Variants in ABI3BP observed in about 807,000 individuals in gnomAD.
ABI3BP encodes the protein target of Nesh-SH3.
Under a neutral mutation model 268.6 loss-of-function variants are expected in ABI3BP, and 216 were observed. The ratio of observed to expected loss-of-function variants is 0.80; its 90% CI spans 0.72 to 0.90. ABI3BP has a LOEUF of 0.90. Among genes scored for constraint, ABI3BP ranks in the 40% least tolerant of loss-of-function variants. The probability of loss-of-function intolerance (pLI) is 0.00; values close to 1 mark genes in which losing one functional copy is unlikely to be tolerated. For missense variants in ABI3BP, 2,090 were observed against 2,182.4 expected (o/e 0.96, Z 0.84); for synonymous variants, 730 against 730.0 (o/e 1.00, Z 0.00).
chr3:100,773,524 A>G (rs368339612), intron 61 of ABI3BP, among the ~76,000 whole-genome samples: 13 of 152,344 alleles, frequency 8.5e-5, no homozygotes, highest in East Asian at 7.7e-4. Context: ...AAAACAGTAC[A>G]ACTACTTTGG....
intron 2 of ABI3BP, among the ~76,000 whole-genome samples, chr3:100,907,114 T>A (rs533835191): frequency 6.6e-6 from 1 of 152,324 alleles, no homozygotes; most frequent in South Asian, 2.1e-4. Context: ...CTAGTACAAG[T>A]CAAAGTACTT....
intron 63 of ABI3BP, among the ~76,000 whole-genome samples, chr3:100,757,505 C>T (rs2095685183): frequency 6.6e-6 from 1 of 152,116 alleles, no homozygotes; most frequent in Admixed American, 6.5e-5. Flanking sequence ...TTCATTATAT[C>T]CTAATATGTC....
At chr3:100,925,208 G>A (rs1184381554) in intron 2 of ABI3BP, among the ~76,000 whole-genome samples, 1 of 152,108 alleles carries the variant, frequency 6.6e-6, no homozygotes, top group Non-Finnish European at 1.5e-5. Flanking sequence ...AGAGGCTACA[G>A]GACAAAATAG....
intron 11 of ABI3BP, chr3:100,864,348 A>C (rs1326153331): frequency 4.4e-6 from 2 of 455,648 alleles, no homozygotes; most frequent in African/African-American, 3.9e-5. Flanking sequence ...GAGAACAACA[A>C]AGCAAGTTAG....
rs2153277055 is a variant in ABI3BP, at chr3:100,876,438, T to A, written c.745+74A>T. The A allele has an allele frequency of 5.4e-6, 7 of 1,284,740 alleles. No homozygotes were observed. The South Asian group carries it at 7.8e-5, about 14-fold the overall frequency. The allele number at this position is 1,284,740 out of a possible 1,614,324, so 79.6% of individuals were successfully genotyped here. On this transcript the variant is annotated intron_variant, in intron 7 of 67. Transcript: ENST00000471714. ...TCAATTAAAAAATCGAGAAAATATG[T>A]GCCGTGTTTGATTACCTTAGCTAAA...
chr3:100,770,184 G>A (rs1469037389), intron 62 of ABI3BP, among the ~76,000 whole-genome samples: 1 of 152,120 alleles, frequency 6.6e-6, no homozygotes, highest in Non-Finnish European at 1.5e-5. Context: ...TCGTTATGGA[G>A]AATCAGACTG....
chr3:100,920,191 A>C (rs1561660978), intron 2 of ABI3BP, among the ~76,000 whole-genome samples: 1 of 152,216 alleles, frequency 6.6e-6, no homozygotes, highest in Non-Finnish European at 1.5e-5. Flanking sequence ...ACAAATATAA[A>C]ACAAAAACCA....
chr3:100,749,816 T>C lies in ABI3BP; in HGVS notation c.*679A>G. The C allele has an allele frequency of 2.5e-6, 1 of 397,430 alleles. No individual in the cohort carries two copies. Among genetic ancestry groups the C allele is most frequent in the Middle Eastern group, 6.3e-4 (1 of 1,576 alleles). The allele number at this position is 397,430 out of a possible 1,614,324, so 24.6% of individuals were successfully genotyped here. A position where few individuals can be genotyped will look rare whatever the true frequency, so the allele number is the denominator to read the frequency against. On this transcript the variant is annotated 3_prime_UTR_variant, in exon 68 of 68. Coordinates refer to ENST00000471714, the MANE Select transcript of ABI3BP (RefSeq NM_001375547.2). ...TTTATGGTGGGTAAAAATGTATCTT[T>C]TGAAACAATATATTAGACTCCATTT...
intron 4 of ABI3BP, among the ~76,000 whole-genome samples, chr3:100,893,974 T>C (rs2045971770): frequency 6.6e-6 from 1 of 151,842 alleles, no homozygotes; most frequent in Admixed American, 6.6e-5. Context: ...TGATAAAGGA[T>C]AGTCTAGATT....
chr3:100,976,930 A>G (rs1335412553), intron 1 of ABI3BP, among the ~76,000 whole-genome samples: 1 of 152,248 alleles, frequency 6.6e-6, no homozygotes, highest in African/African-American at 2.4e-5. Flanking sequence ...AGACAAGGCC[A>G]ACTATGAAGG....
chr3:100,850,905 C>T (rs1321521132), intron 15 of ABI3BP, among the ~76,000 whole-genome samples, 171 bp from the exon 16 acceptor site: 2 of 152,134 alleles, frequency 1.3e-5, no homozygotes, highest in Non-Finnish European at 2.9e-5. Context: ...AAGATGAGCT[C>T]ACTTTAAAAA....
At chr3:100,813,630 T>C in intron 45 of ABI3BP, 31 bp downstream of exon 45, 1 of 1,497,254 alleles carries the variant, frequency 6.7e-7, no homozygotes, top group Non-Finnish European at 9.0e-7. Context: ...AAGCACACAG[T>C]ATACCCAGAC....
chr3:100,877,282 G>C (rs1392521533), intron 6 of ABI3BP, among the ~76,000 whole-genome samples: 1 of 152,160 alleles, frequency 6.6e-6, no homozygotes, highest in Non-Finnish European at 1.5e-5. Flanking sequence ...AATTGTTTGA[G>C]TGTATCCAAT....
chr3:100,959,317 C>T (rs1443469478), intron 1 of ABI3BP, among the ~76,000 whole-genome samples: 2 of 151,144 alleles, frequency 1.3e-5, no homozygotes, highest in East Asian at 3.9e-4. Flanking sequence ...GGTGAAACCC[C>T]GTCTCTACTA....
intron 57 of ABI3BP, among the ~76,000 whole-genome samples, chr3:100,781,149 AG>A (rs1340839618): frequency 3.3e-5 from 5 of 152,234 alleles, no homozygotes; most frequent in African/African-American, 9.6e-5. Context: ...TTAATATACT[AG>A]TTAGTACATT....
rs1314928165 is a variant in ABI3BP, at chr3:100,848,870, G to T, written c.1507C>A (p.Gln503Lys). 1.9e-6 allele frequency: 3 copies of T among 1,612,722 alleles called. No homozygotes were observed. The highest frequency in any genetic ancestry group is 1.7e-5 in the Admixed American group (1 of 59,976). ...GTAGAAGGGATAGATGTAGTTTGCT[G>T]GGGAGCTGAAAGAAGATTTAATATA... ...PEMQPTTPAP[Q>K]QTTSIPSTPK... The change falls in exon 18 of 68, where the codon CAG becomes AAG. Residue 503 changes from glutamine (Q) to lysine (K), a missense_variant. Gln to Lys is a moderately conservative substitution (Grantham distance 53, BLOSUM62 1). Transcript: ENST00000471714.
At chr3:100,928,423 G>A (rs1367548004) in intron 1 of ABI3BP, among the ~76,000 whole-genome samples, 1 of 151,804 alleles carries the variant, frequency 6.6e-6, no homozygotes, top group African/African-American at 2.4e-5. Flanking sequence ...TTTATTCTAC[G>A]CCACCCAAAA....
chr3:100,841,659 TG>T (rs1447309449), intron 21 of ABI3BP, among the ~76,000 whole-genome samples: 7 of 151,836 alleles, frequency 4.6e-5, no homozygotes, highest in African/African-American at 1.7e-4. Context: ...GAGGCCGAGG[TG>T]GGTGGATCAC....
intron 50 of ABI3BP, among the ~76,000 whole-genome samples, chr3:100,807,722 C>T (rs748170462): frequency 2.0e-5 from 3 of 151,928 alleles, no homozygotes; most frequent in Non-Finnish European, 4.4e-5. Context: ...TTAGTGGTCG[C>T]GAAGCTTCCT....
Sources: gnomAD v4.1 joint callset for allele counts (sites outside exome capture counted in the v4.1 genomes callset) on GRCh38, gnomAD v4.1.1 for gene constraint, MANE v1.5 for transcripts, NCBI Gene and HGNC (gene_info 2026-07-23, HGNC 2026-07-21) for gene names.